Variants in KPNA5 observed in about 807,000 individuals in gnomAD.
KPNA5 encodes the protein karyopherin subunit alpha 5, also known as importin subunit alpha-6.
In KPNA5, 46 loss-of-function variants were observed where a neutral mutation model predicts 71.3. That is an observed-to-expected ratio of 0.65 (90% CI 0.51 to 0.83). KPNA5 has a LOEUF of 0.83. KPNA5 is among the 40% of genes least tolerant of loss of function. KPNA5 has a pLI of 0.00. For missense variants in KPNA5, 547 were observed against 628.3 expected (o/e 0.87, Z 1.38); for synonymous variants, 207 against 201.4 (o/e 1.03, Z -0.24).
intron 7 of KPNA5, among the ~76,000 whole-genome samples, chr6:116,711,699 T>G (rs990646009): frequency 6.6e-6 from 1 of 152,188 alleles, no homozygotes; most frequent in Non-Finnish European, 1.5e-5. Flanking sequence ...TTTCAAAAAT[T>G]TATCAGAGCT....
At chr6:116,712,958 A>G (rs1778758633) in intron 7 of KPNA5, among the ~76,000 whole-genome samples, 1 of 151,658 alleles carries the variant, frequency 6.6e-6, no homozygotes, top group African/African-American at 2.4e-5. Flanking sequence ...CAAAAACACT[A>G]CTCCTATACA....
intron 6 of KPNA5, among the ~76,000 whole-genome samples, chr6:116,702,564 G>A (rs921636226): frequency 1.3e-5 from 2 of 152,074 alleles, no homozygotes; most frequent in African/African-American, 2.4e-5. Flanking sequence ...AGCTCCTCAA[G>A]AAGCTGAGGC....
At position 116,734,135 on chromosome 6, in the gene KPNA5, T is replaced by C. The variant is rs532121800; in HGVS notation, c.*1812T>C. Reference sequence around the variant, plus strand: ...AAAACAGGGTAGTTATATTAAAGCTTACCAAATTGATGGTGAATTTATCAG... The same window carrying C: ...AAAACAGGGTAGTTATATTAAAGCTCACCAAATTGATGGTGAATTTATCAG... On this transcript the variant is annotated 3_prime_UTR_variant, in exon 14 of 14. Transcript: ENST00000368564. 1.3e-5 allele frequency: 2 copies of C among 151,922 alleles called. No homozygotes were observed. The highest frequency in any genetic ancestry group is 1.3e-4 in the Admixed American group (2 of 15,204). 9.4% of individuals were successfully genotyped at this position (151,922 alleles called of 1,614,324 possible). A position where few individuals can be genotyped will look rare whatever the true frequency, so the allele number is the denominator to read the frequency against.
chr6:116,718,407 C>T (rs984722227), intron 8 of KPNA5, among the ~76,000 whole-genome samples: 22 of 151,660 alleles, frequency 1.5e-4, no homozygotes, highest in Middle Eastern at 6.8e-3. Context: ...GGATTACAGG[C>T]GCATGCTACC....
chr6:116,690,498 A>G (rs931004725), intron 2 of KPNA5, among the ~76,000 whole-genome samples: 10 of 151,798 alleles, frequency 6.6e-5, no homozygotes, highest in Non-Finnish European at 1.3e-4. Flanking sequence ...AAAAAATTAG[A>G]CATGCGTGGT....
chr6:116,708,740 G>T (rs1778539884), intron 7 of KPNA5, among the ~76,000 whole-genome samples: 1 of 151,836 alleles, frequency 6.6e-6, no homozygotes, highest in Non-Finnish European at 1.5e-5. Flanking sequence ...TTGTTCCTTG[G>T]TAGTGTATAG....
intron 10 of KPNA5, among the ~76,000 whole-genome samples, chr6:116,725,509 A>G (rs1430122439): frequency 6.6e-6 from 1 of 152,160 alleles, no homozygotes; most frequent in East Asian, 1.9e-4. Context: ...GTAAATATGA[A>G]GGATACACCT....
Position 116,735,978 on chromosome 6 carries a change from T to C in KPNA5, c.*3655T>C, listed in dbSNP as rs1779655844. 1 of 151,706 alleles carries C rather than the reference T, an allele frequency of 6.6e-6. No individual in the cohort carries two copies. The highest frequency in any genetic ancestry group is 1.5e-5 in the Non-Finnish European group (1 of 67,754). 9.4% of individuals were successfully genotyped at this position (151,706 alleles called of 1,614,324 possible). On this transcript the variant is annotated 3_prime_UTR_variant, in exon 14 of 14. Coordinates refer to ENST00000368564, the MANE Select transcript of KPNA5 (RefSeq NM_001366306.2). ...AAGAAAATGTTTTCAAGAAGCAAAT[T>C]GGTGAAAAGGGTGGAAAAAAGATAT...
chr6:116,721,949 A>C (rs665499), intron 8 of KPNA5, among the ~76,000 whole-genome samples, 177 bp from the exon 9 acceptor site: 9,354 of 152,230 alleles, frequency 0.061, 397 homozygotes, highest in Admixed American at 0.15. Context: ...ATATAACATA[A>C]TAGTAGTCAT....
chr6:116,722,044 T>TA, intron 8 of KPNA5, 82 bp from the exon 9 acceptor site: 1 of 1,092,442 alleles, frequency 9.2e-7, no homozygotes, highest in African/African-American at 1.6e-5. Flanking sequence ...ATTTTTGTTT[T>TA]AAAATGAATT....
intron 7 of KPNA5, among the ~76,000 whole-genome samples, chr6:116,715,873 C>T (rs1778865613): frequency 6.6e-6 from 1 of 151,678 alleles, no homozygotes; most frequent in Admixed American, 6.6e-5. Context: ...CAAGATCGTG[C>T]CACTGCACTC....
At position 116,729,556 on chromosome 6, in the gene KPNA5, T is replaced by A. The variant is rs779236911; in HGVS notation, c.1254-7T>A. The A allele has an allele frequency of 6.7e-7, 1 of 1,481,658 alleles. No individual in the cohort carries two copies. The highest frequency in any genetic ancestry group is 2.5e-5 in the East Asian group (1 of 40,588). The allele number at this position is 1,481,658 out of a possible 1,614,324, so 91.8% of individuals were successfully genotyped here. A position where few individuals can be genotyped will look rare whatever the true frequency, so the allele number is the denominator to read the frequency against. Reference sequence around the variant, plus strand: ...CCCTGTTTCTTCTCTTTTATATTAATCTGAAGGTATTTGGTAGCTTTAGGC... The same window carrying A: ...CCCTGTTTCTTCTCTTTTATATTAAACTGAAGGTATTTGGTAGCTTTAGGC... On this transcript the variant is annotated splice_region_variant and splice_polypyrimidine_tract_variant and intron_variant, in intron 12 of 13. Coordinates refer to ENST00000368564, the MANE Select transcript of KPNA5 (RefSeq NM_001366306.2).
Position 116,722,174 on chromosome 6 carries a change from C to T in KPNA5, c.805C>T (p.Pro269Ser), listed in dbSNP as rs748089780. The change falls in exon 9 of 14, where the codon CCA (proline) becomes TCA (serine). Residue 269 changes from proline (P) to serine (S), a missense_variant. By Grantham distance (74) the Pro-to-Ser change is moderately conservative. Transcript: ENST00000368564. ...GTCACGACTGTTGTTTAGCAGTGAC[C>T]CAGATGTGTTAGCAGACGTGTGTTG... ...VLSRLLFSSD[P>S]DVLADVCWAL... 1 of 1,612,018 alleles carries T rather than the reference C, an allele frequency of 6.2e-7. No homozygotes were observed. Among genetic ancestry groups the T allele is most frequent in the African/African-American group, 1.3e-5 (1 of 74,830 alleles).
chr6:116,724,568 G>T (rs1014220097), intron 10 of KPNA5, among the ~76,000 whole-genome samples, 193 bp downstream of exon 10: 43 of 150,428 alleles, frequency 2.9e-4, no homozygotes, highest in African/African-American at 1.0e-3. Flanking sequence ...GCCAGATTTG[G>T]GTTACAATCT....
chr6:116,697,988 T>C (rs1449106623), intron 4 of KPNA5, among the ~76,000 whole-genome samples: 5 of 151,964 alleles, frequency 3.3e-5, no homozygotes, highest in African/African-American at 1.2e-4. Context: ...TTAACAAAAA[T>C]AGGTACATTT....
In KPNA5 at chr6:116,689,403, C is replaced by A; in HGVS notation, c.88C>A (p.Arg30=). The A allele has an allele frequency of 6.2e-7, 1 of 1,606,120 alleles. No individual in the cohort carries two copies. Among genetic ancestry groups the A allele is most frequent in the African/African-American group, 1.3e-5 (1 of 74,370 alleles). The change falls in exon 2 of 14, where the codon CGA becomes AGA. Residue 30 remains arginine, a synonymous_variant. Transcript: ENST00000368564. The part of the protein sequence containing the change: ...KALNPQEMRR[R]REEEGIQLRK... ...CCTAAATCCTCAAGAGATGCGTAGA[C>A]GAAGAGAAGAAGAAGGAATACAGCT...
chr6:116,722,218 C>A lies in KPNA5; in HGVS notation c.849C>A (p.Ser283=). 6.2e-7 allele frequency: 1 copy of A among 1,613,094 alleles called. No individual in the cohort carries two copies. ...ADVCWALSYL[S]DGPNDKIQAV... ...TGTGTTGGGCCCTTTCTTATCTCTCCGATGGACCCAATGATAAAATTCAAG... is the reference window on the plus strand; with the variant it reads ...TGTGTTGGGCCCTTTCTTATCTCTCAGATGGACCCAATGATAAAATTCAAG... Residue 283 remains serine (S), a synonymous_variant, in exon 9 of 14, where the codon TCC becomes TCA. Transcript: ENST00000368564.
At position 116,741,746 on chromosome 6, in the gene KPNA5, A is replaced by T. The variant is rs1195893013; in HGVS notation, c.*9423A>T. 2.0e-5 allele frequency: 3 copies of T among 152,422 alleles called. No homozygotes were observed. The highest frequency in any genetic ancestry group is 1.9e-4 in the East Asian group (1 of 5,204). The allele number at this position is 152,422 out of a possible 1,614,324, so 9.4% of individuals were successfully genotyped here. A position where few individuals can be genotyped will look rare whatever the true frequency, so the allele number is the denominator to read the frequency against. ...AACAAAAAACAACAAAAAAGCGGTG[A>T]CAGGAAACAGTTAAGGAAATGATTT... On this transcript the variant is annotated 3_prime_UTR_variant, in exon 14 of 14. Transcript: ENST00000368564.
chr6:116,725,128 A>T (rs964910727), intron 10 of KPNA5, among the ~76,000 whole-genome samples: 2 of 152,196 alleles, frequency 1.3e-5, no homozygotes, highest in African/African-American at 4.8e-5. Context: ...TGAAAATGCC[A>T]TTCTAGACAT....
Sources: allele counts gnomAD v4.1 joint callset (sites outside exome capture counted in the v4.1 genomes callset), GRCh38; gene constraint gnomAD v4.1.1; transcripts MANE v1.5; gene names NCBI Gene and HGNC (gene_info 2026-07-23, HGNC 2026-07-21).